Variants in APBA1 observed in about 807,000 individuals in gnomAD.
APBA1 encodes amyloid beta precursor protein binding family A member 1.
Under a neutral mutation model 86.6 loss-of-function variants are expected in APBA1, and 55 were observed. The observed-to-expected ratio is 0.64, with a 90% CI of 0.51 to 0.80. The LOEUF (loss-of-function observed/expected upper bound fraction) is 0.80. Among genes scored for constraint, APBA1 ranks in the 30% least tolerant of loss-of-function variants. APBA1 has a pLI of 0.00. For synonymous variants in APBA1, 511 were observed against 493.9 expected (o/e 1.03, Z -0.46); for missense variants, 1,090 against 1,183.0 (o/e 0.92, Z 1.15).
At chr9:69,503,808 G>A (rs1411345662) in intron 2 of APBA1, among the ~76,000 whole-genome samples, 1 of 152,038 alleles carries the variant, frequency 6.6e-6, no homozygotes, top group Non-Finnish European at 1.5e-5. Context: ...TGGGATTGGT[G>A]GTTGGACTTC....
At chr9:69,460,215 C>T (rs1408109233) in intron 5 of APBA1, among the ~76,000 whole-genome samples, 4 of 152,218 alleles carry the variant, frequency 2.6e-5, no homozygotes, top group Middle Eastern at 3.2e-3. Context: ...AGGGCAACCA[C>T]ACTCCCACAC....
chr9:69,669,885 C>A (rs1031111657), intron 1 of APBA1, among the ~76,000 whole-genome samples: 1 of 152,138 alleles, frequency 6.6e-6, no homozygotes, highest in African/African-American at 2.4e-5. Context: ...GGGTATTTAC[C>A]TGGTAATTCC....
At chr9:69,563,103 G>C (rs953450557) in intron 1 of APBA1, among the ~76,000 whole-genome samples, 1 of 152,136 alleles carries the variant, frequency 6.6e-6, no homozygotes, top group African/African-American at 2.4e-5. Context: ...GGGTAAACTC[G>C]ATCCCTTCCA....
At position 69,657,577 on chromosome 9, in the gene APBA1, C is replaced by G. The variant is rs145241481; in HGVS notation, c.-70+14576G>C. On this transcript the variant is annotated intron_variant, in intron 1 of 12. Transcript: ENST00000265381. ...GACATTATCCAACTAATGATTACAA[C>G]AGACTGTAACTATTCATTCTGACTA... 2.6e-3 allele frequency among the ~76,000 whole-genome samples: 403 copies of G among 152,330 alleles called. 2 individuals carry two copies. The highest frequency in any genetic ancestry group is 8.9e-3 in the African/African-American group (372 of 41,586).
intron 1 of APBA1, among the ~76,000 whole-genome samples, chr9:69,550,588 T>C (rs962592138): frequency 2.0e-5 from 3 of 152,230 alleles, no homozygotes; most frequent in Non-Finnish European, 4.4e-5. Flanking sequence ...GCTTCTATTA[T>C]ATGGCATTGT....
chr9:69,631,606 C>T (rs1056329791), intron 1 of APBA1, among the ~76,000 whole-genome samples: 8 of 152,186 alleles, frequency 5.3e-5, no homozygotes, highest in Admixed American at 2.0e-4. Context: ...CACATGCATA[C>T]GCATGTTTAT....
intron 11 of APBA1, among the ~76,000 whole-genome samples, chr9:69,439,682 G>A (rs138507633): frequency 3.4e-4 from 52 of 152,176 alleles, no homozygotes; most frequent in Middle Eastern, 3.4e-3. Context: ...TTATCCATTC[G>A]TCTAATTTTT....
chr9:69,520,801 C>T (rs1293272806), intron 1 of APBA1, among the ~76,000 whole-genome samples: 1 of 152,200 alleles, frequency 6.6e-6, no homozygotes, highest in African/African-American at 2.4e-5. Flanking sequence ...AGTCCACTGT[C>T]TTAATAACTC....
At chr9:69,568,309 T>C (rs564301744) in intron 1 of APBA1, among the ~76,000 whole-genome samples, 1 of 152,346 alleles carries the variant, frequency 6.6e-6, no homozygotes, top group South Asian at 2.1e-4. Flanking sequence ...GAGTTTTCTC[T>C]TCACTTTAGG....
At chr9:69,638,925 T>C (rs545505099) in intron 1 of APBA1, among the ~76,000 whole-genome samples, 10 of 152,238 alleles carry the variant, frequency 6.6e-5, no homozygotes, top group South Asian at 2.1e-4. Context: ...TATAAATCCA[T>C]GAAGTCACAT....
intron 1 of APBA1, among the ~76,000 whole-genome samples, chr9:69,645,912 C>T (rs1004705706): frequency 6.6e-6 from 1 of 152,190 alleles, no homozygotes; most frequent in East Asian, 1.9e-4. Flanking sequence ...AATCACGTCT[C>T]TGCTTAGCCA....
chr9:69,543,732 T>A (rs1051302537), intron 1 of APBA1, among the ~76,000 whole-genome samples: 2 of 152,188 alleles, frequency 1.3e-5, no homozygotes, highest in African/African-American at 4.8e-5. Flanking sequence ...ACAAAGCAGA[T>A]AATTGGTGGG....
intron 1 of APBA1, among the ~76,000 whole-genome samples, chr9:69,612,151 C>T (rs1217560330): frequency 1.3e-5 from 2 of 151,988 alleles, no homozygotes; most frequent in African/African-American, 2.4e-5. Context: ...TCTTTATCAT[C>T]TGATTTACCC....
intron 1 of APBA1, among the ~76,000 whole-genome samples, chr9:69,567,178 C>A (rs924314900): frequency 6.6e-6 from 1 of 152,078 alleles, no homozygotes; most frequent in African/African-American, 2.4e-5. Flanking sequence ...GAGAAGCGAT[C>A]AATCATTTCC....
At chr9:69,561,130 C>T (rs1390305214) in intron 1 of APBA1, among the ~76,000 whole-genome samples, 1 of 152,110 alleles carries the variant, frequency 6.6e-6, no homozygotes, top group African/African-American at 2.4e-5. Context: ...GGTGAAAATC[C>T]TTGAAAGTCA....
intron 2 of APBA1, among the ~76,000 whole-genome samples, chr9:69,496,984 G>GT (rs1445840516): frequency 6.6e-6 from 1 of 151,988 alleles, no homozygotes; most frequent in Non-Finnish European, 1.5e-5. Context: ...ACCAGCACAC[G>GT]TAAGACTTAA....
chr9:69,649,737 T>A (rs1333136550), intron 1 of APBA1, among the ~76,000 whole-genome samples: 1 of 152,074 alleles, frequency 6.6e-6, no homozygotes, highest in African/African-American at 2.4e-5. Context: ...TCGGACAGCA[T>A]CATCCTCTTG....
In APBA1 at chr9:69,565,349, C is replaced by A. The variant is rs576152551; in HGVS notation, c.-69-48070G>T. ...GTGCCTCAGCAAAACTGTGATGGAC[C>A]TGAGATTTACATACACGGCTGGTGA... On this transcript the variant is annotated intron_variant, in intron 1 of 12. Coordinates refer to ENST00000265381, the MANE Select transcript of APBA1 (RefSeq NM_001163.4). 1.1e-3 allele frequency among the ~76,000 whole-genome samples: 160 copies of A among 152,182 alleles called. 1 individual carries two copies. The highest frequency in any genetic ancestry group is 3.6e-3 in the African/African-American group (151 of 41,506).
intron 1 of APBA1, among the ~76,000 whole-genome samples, chr9:69,653,712 T>C (rs1823553232): frequency 6.6e-6 from 1 of 151,518 alleles, no homozygotes; most frequent in South Asian, 2.1e-4. Context: ...AATAAATGAG[T>C]CAATGAAGAA....
Sources: gnomAD v4.1 joint callset for allele counts (sites outside exome capture counted in the v4.1 genomes callset) on GRCh38, gnomAD v4.1.1 for gene constraint, MANE v1.5 for transcripts, NCBI Gene and HGNC (gene_info 2026-07-23, HGNC 2026-07-21) for gene names.